Variants in GPC5 observed in about 807,000 individuals in gnomAD.
The protein encoded by GPC5 is glypican 5.
A neutral mutation model predicts 53.9 loss-of-function variants in GPC5; 47 were observed. The ratio of observed to expected loss-of-function variants is 0.87; its 90% CI spans 0.69 to 1.11. The LOEUF is 1.11. GPC5 is among the 50% of genes most tolerant of loss of function. The pLI is 0.00. For synonymous variants in GPC5, 286 were observed against 263.3 expected (o/e 1.09, Z -0.84); for missense variants, 748 against 713.1 (o/e 1.05, Z -0.56).
chr13:91,513,390 G>A (rs987449091), intron 2 of GPC5, among the ~76,000 whole-genome samples: 3 of 151,630 alleles, frequency 2.0e-5, no homozygotes, highest in African/African-American at 4.9e-5. Context: ...ATTTAGTTGT[G>A]TGCAATTTTA....
intron 7 of GPC5, among the ~76,000 whole-genome samples, chr13:92,469,816 A>T (rs1432919260): frequency 6.6e-6 from 1 of 152,140 alleles, no homozygotes; most frequent in Non-Finnish European, 1.5e-5. Context: ...AGGGGTTCCC[A>T]AATACAAATT....
At chr13:92,027,853 G>A (rs529731717) in intron 6 of GPC5, among the ~76,000 whole-genome samples, 1 of 152,238 alleles carries the variant, frequency 6.6e-6, no homozygotes, top group East Asian at 1.9e-4. Context: ...CACTTGCTCA[G>A]TGACAAGACT....
intron 6 of GPC5, among the ~76,000 whole-genome samples, chr13:91,961,328 T>C (rs899368903): frequency 6.6e-6 from 1 of 151,880 alleles, no homozygotes; most frequent in South Asian, 2.1e-4. Flanking sequence ...TAAAAAGATA[T>C]TGTGATTAGT....
intron 7 of GPC5, among the ~76,000 whole-genome samples, chr13:92,736,451 TG>T (rs1888937438): frequency 6.6e-6 from 1 of 151,958 alleles, no homozygotes; most frequent in South Asian, 2.1e-4. Flanking sequence ...ATAGTGCACT[TG>T]AGGGCTGTTG....
intron 6 of GPC5, among the ~76,000 whole-genome samples, chr13:91,912,839 A>G (rs1328243888): frequency 6.6e-6 from 1 of 152,158 alleles, no homozygotes; most frequent in African/African-American, 2.4e-5. Context: ...GAAACTAACA[A>G]TATGTTCCTT....
At chr13:92,642,494 A>G (rs1289362803) in intron 7 of GPC5, among the ~76,000 whole-genome samples, 1 of 152,202 alleles carries the variant, frequency 6.6e-6, no homozygotes, top group African/African-American at 2.4e-5. Context: ...TCTGTATATT[A>G]TTAGACTGTG....
At chr13:92,211,886 G>A (rs1056985937) in intron 7 of GPC5, among the ~76,000 whole-genome samples, 2 of 152,116 alleles carry the variant, frequency 1.3e-5, no homozygotes, top group African/African-American at 4.8e-5. Flanking sequence ...CACTGCTGCT[G>A]GCAGCCTTTC....
intron 7 of GPC5, among the ~76,000 whole-genome samples, chr13:92,291,109 G>C (rs1056578432): frequency 2.0e-5 from 3 of 152,258 alleles, no homozygotes; most frequent in African/African-American, 7.2e-5. Context: ...CCTGCAGCCC[G>C]CCATGCCTGA....
chr13:92,122,602 T>C (rs1433879041), intron 6 of GPC5, among the ~76,000 whole-genome samples: 1 of 148,444 alleles, frequency 6.7e-6, no homozygotes, highest in Non-Finnish European at 1.5e-5. Context: ...GGCAGTTTTC[T>C]TGCTATAACC....
chr13:92,698,282 C>T (rs1251617525), intron 7 of GPC5, among the ~76,000 whole-genome samples: 1 of 152,078 alleles, frequency 6.6e-6, no homozygotes. Flanking sequence ...CAACATTTAA[C>T]ATTAGGTGTA....
At chr13:92,677,456 C>T (rs543657351) in intron 7 of GPC5, among the ~76,000 whole-genome samples, 1 of 152,266 alleles carries the variant, frequency 6.6e-6, no homozygotes, top group African/African-American at 2.4e-5. Context: ...TAGTTAAACA[C>T]AACTCAACTA....
At chr13:91,681,975 C>A (rs1324112960) in intron 2 of GPC5, among the ~76,000 whole-genome samples, 3 of 150,358 alleles carry the variant, frequency 2.0e-5, no homozygotes, top group Admixed American at 2.0e-4. Flanking sequence ...ACATCTATCC[C>A]TTTTCAGCTA....
At chr13:91,460,787 G>A (rs1436000866) in intron 2 of GPC5, among the ~76,000 whole-genome samples, 1 of 151,536 alleles carries the variant, frequency 6.6e-6, no homozygotes. Context: ...AGGCTTGGGG[G>A]AATATCAGAT....
intron 2 of GPC5, among the ~76,000 whole-genome samples, chr13:91,644,668 C>A (rs1279685463): frequency 6.6e-6 from 1 of 152,034 alleles, no homozygotes; most frequent in Non-Finnish European, 1.5e-5. Context: ...GATGGCAGAG[C>A]AATATATTTT....
At chr13:92,763,301 T>C (rs1471436625) in intron 7 of GPC5, among the ~76,000 whole-genome samples, 3 of 152,134 alleles carry the variant, frequency 2.0e-5, no homozygotes, top group East Asian at 1.9e-4. Context: ...AATGTACCAG[T>C]TGGGAAGGCC....
chr13:92,369,656 AAATG>A lies in GPC5; in HGVS notation c.1561+224671_1561+224674del, dbSNP rs368312779. 2.0e-4 allele frequency among the ~76,000 whole-genome samples: 30 copies of A among 152,350 alleles called. 1 individual carries two copies. In the South Asian group the frequency reaches 6.2e-3, roughly 32 times the overall value. On this transcript the variant is annotated intron_variant, in intron 7 of 7. Coordinates refer to ENST00000377067, the MANE Select transcript of GPC5 (RefSeq NM_004466.6). ...ACTATTGCTTGATGAATGTCAATATAAATGAATAAGTGGTAATGACACCAAATCT... is the reference window on the plus strand; with the variant it reads ...ACTATTGCTTGATGAATGTCAATATAAATAAGTGGTAATGACACCAAATCT...
intron 7 of GPC5, among the ~76,000 whole-genome samples, chr13:92,341,118 T>C (rs1457151069): frequency 6.6e-6 from 1 of 152,142 alleles, no homozygotes; most frequent in Non-Finnish European, 1.5e-5. Context: ...AAAGTTTGAA[T>C]AAAAAGTATG....
rs1447003505 is a variant in GPC5, at chr13:92,630,915, C to T, written c.1562-235367C>T. Reference sequence around the variant, plus strand: ...CTCTTTATGACACAAATCTAGTTGGCAATATTAAAGATGAGGCTGATTCTC... The same window carrying T: ...CTCTTTATGACACAAATCTAGTTGGTAATATTAAAGATGAGGCTGATTCTC... On this transcript the variant is annotated intron_variant, in intron 7 of 7. Coordinates refer to ENST00000377067, the MANE Select transcript of GPC5 (RefSeq NM_004466.6). 3.9e-5 allele frequency among the ~76,000 whole-genome samples: 6 copies of T among 151,942 alleles called. No individual in the cohort carries two copies. In the East Asian group the frequency reaches 1.2e-3, roughly 29 times the overall value.
intron 7 of GPC5, among the ~76,000 whole-genome samples, chr13:92,596,475 A>C (rs1415287719): frequency 6.6e-6 from 1 of 150,798 alleles, no homozygotes; most frequent in Admixed American, 6.6e-5. Flanking sequence ...GTATAATAAT[A>C]ATCATTATTA....
Sources: gnomAD v4.1 joint callset for allele counts (sites outside exome capture counted in the v4.1 genomes callset) on GRCh38, gnomAD v4.1.1 for gene constraint, MANE v1.5 for transcripts, NCBI Gene and HGNC (gene_info 2026-07-23, HGNC 2026-07-21) for gene names.